EMSY: variants seen among roughly 807,000 people sequenced by gnomAD.
EMSY encodes the protein BRCA2-interacting transcriptional repressor EMSY.
EMSY carries 26 observed loss-of-function variants against 134.6 expected under a neutral mutation model. The ratio of observed to expected loss-of-function variants is 0.19; its 90% CI spans 0.14 to 0.27. The LOEUF is 0.27. EMSY is among the 10% of genes least tolerant of loss of function. The probability of loss-of-function intolerance (pLI) is 1.00; values close to 1 mark genes in which losing one functional copy is unlikely to be tolerated. For synonymous variants in EMSY, 579 were observed against 577.8 expected (o/e 1.00, Z -0.03); for missense variants, 1,305 against 1,611.4 (o/e 0.81, Z 3.26).
chr11:76,476,970 T>G (rs1313507137), intron 8 of EMSY, among the ~76,000 whole-genome samples: 1 of 152,152 alleles, frequency 6.6e-6, no homozygotes, highest in Non-Finnish European at 1.5e-5. Context: ...TTTATAATTA[T>G]GGGTTTTAAC....
At chr11:76,513,744 A>G (rs534544831) in intron 10 of EMSY, among the ~76,000 whole-genome samples, 1 of 151,820 alleles carries the variant, frequency 6.6e-6, no homozygotes, top group African/African-American at 2.4e-5. Context: ...CTTTTCCTTT[A>G]TAGCACTTCC....
exon 20 of EMSY, chr11:76,545,885 G>A (rs754434192): frequency 3.1e-6 from 5 of 1,614,132 alleles, no homozygotes; most frequent in African/African-American, 2.7e-5. Flanking sequence ...AAGATAACTG[G>A]TGGCAGTTCT....
chr11:76,547,316 T>C, intron 20 of EMSY, among the ~76,000 whole-genome samples: 1 of 152,080 alleles, frequency 6.6e-6, no homozygotes, highest in East Asian at 1.9e-4. Context: ...CCAATTAAGG[T>C]AGAATTAAAT....
chr11:76,529,649 G>A (rs1265550682), intron 14 of EMSY, among the ~76,000 whole-genome samples: 1 of 148,928 alleles, frequency 6.7e-6, no homozygotes, highest in Non-Finnish European at 1.5e-5. Flanking sequence ...AAGACTGAAA[G>A]TTGACATGCC....
chr11:76,513,773 T>G (rs1252287174), intron 10 of EMSY, among the ~76,000 whole-genome samples: 3 of 152,170 alleles, frequency 2.0e-5, no homozygotes, highest in Non-Finnish European at 1.5e-5. Flanking sequence ...CTTAGGTATC[T>G]AGTTGTATAT....
At chr11:76,491,006 A>G (rs183428719) in intron 8 of EMSY, among the ~76,000 whole-genome samples, 159 of 152,114 alleles carry the variant, frequency 1.0e-3, no homozygotes, top group Middle Eastern at 6.8e-3. Context: ...CCTAACTTCT[A>G]TTATCTCGAA....
At chr11:76,512,890 A>G (rs1950327291) in intron 9 of EMSY, among the ~76,000 whole-genome samples, 1 of 152,146 alleles carries the variant, frequency 6.6e-6, no homozygotes, top group Admixed American at 6.5e-5. Flanking sequence ...ATTTTAAAAG[A>G]AGGCAGTTAA....
At chr11:76,516,580 G>T in intron 11 of EMSY, 1 of 228,844 alleles carries the variant, frequency 4.4e-6, no homozygotes, top group Non-Finnish European at 8.5e-6. Context: ...TTTGCATAGA[G>T]ATTTTTCATT....
intron 14 of EMSY, among the ~76,000 whole-genome samples, chr11:76,530,346 C>T (rs917084681): frequency 3.3e-5 from 5 of 151,544 alleles, no homozygotes; most frequent in Admixed American, 1.3e-4. Context: ...TTTTTAGTAG[C>T]GACGGGGTTT....
At chr11:76,531,953 T>G (rs1258711074) in intron 14 of EMSY, among the ~76,000 whole-genome samples, 3 of 152,108 alleles carry the variant, frequency 2.0e-5, no homozygotes, top group Non-Finnish European at 4.4e-5. Context: ...GGAAGAGAAA[T>G]TTTTATTTCT....
chr11:76,536,152 T>C, intron 15 of EMSY, 93 bp downstream of exon 16: 2 of 778,286 alleles, frequency 2.6e-6, no homozygotes, highest in Non-Finnish European at 3.5e-6. Flanking sequence ...ATTATTACTA[T>C]TATTTATTAT....
chr11:76,497,390 T>G (rs1949698460), intron 9 of EMSY, among the ~76,000 whole-genome samples: 1 of 152,206 alleles, frequency 6.6e-6, no homozygotes, highest in Admixed American at 6.5e-5. Context: ...AAGTATTTAT[T>G]TCCTTTCTAT....
At chr11:76,451,092 C>T (rs963111853) in intron 2 of EMSY, among the ~76,000 whole-genome samples, 2 of 152,096 alleles carry the variant, frequency 1.3e-5, no homozygotes, top group South Asian at 2.1e-4. Context: ...CCACTGCACC[C>T]GGCCTGACAG....
chr11:76,488,225 G>A (rs1484326155), intron 8 of EMSY, among the ~76,000 whole-genome samples: 3 of 152,190 alleles, frequency 2.0e-5, no homozygotes, highest in Non-Finnish European at 2.9e-5. Context: ...CAACACTTTG[G>A]GAGGCCAAAG....
intron 8 of EMSY, among the ~76,000 whole-genome samples, chr11:76,489,315 C>CTTTTTTTTTTTTT (rs57048007): frequency 1.6e-5 from 2 of 128,170 alleles, no homozygotes; most frequent in Non-Finnish European, 3.3e-5. Flanking sequence ...TTCTTGTTTT[C>CTTTTTTTTTTTTT]TTTTTTTTTT....
chr11:76,462,420 C>T (rs996904377), intron 6 of EMSY, among the ~76,000 whole-genome samples: 1 of 152,166 alleles, frequency 6.6e-6, no homozygotes, highest in East Asian at 1.9e-4. Context: ...ATGTGCAAGG[C>T]ACTATACTGG....
chr11:76,540,590 A>G (rs1951401189), intron 17 of EMSY, among the ~76,000 whole-genome samples: 1 of 152,244 alleles, frequency 6.6e-6, no homozygotes, highest in Admixed American at 6.5e-5. Context: ...TTGTGAATAT[A>G]GATAGAATGT....
chr11:76,463,735 A>G, intron 6 of EMSY, 86 bp from the exon 8 acceptor site: 2 of 1,435,686 alleles, frequency 1.4e-6, no homozygotes, highest in Non-Finnish European at 1.9e-6. Context: ...GAGAGAGGAC[A>G]AGGATGATAT....
chr11:76,491,097 G>A (rs754704210), intron 8 of EMSY, among the ~76,000 whole-genome samples: 3 of 151,686 alleles, frequency 2.0e-5, no homozygotes, highest in Non-Finnish European at 4.4e-5. Context: ...CCTCCCCTGT[G>A]CAGGTGCTGT....
Sources: allele counts gnomAD v4.1 joint callset (sites outside exome capture counted in the v4.1 genomes callset), GRCh38; gene constraint gnomAD v4.1.1; transcripts MANE v1.5; gene names NCBI Gene and HGNC (gene_info 2026-07-23, HGNC 2026-07-21).